RALGAPA2: variants seen among roughly 807,000 people sequenced by gnomAD.
RALGAPA2 encodes the protein Ral GTPase activating protein catalytic subunit alpha 2.
In RALGAPA2, 139 loss-of-function variants were observed where a neutral mutation model predicts 230.4. The observed-to-expected ratio is 0.60, with a 90% CI of 0.53 to 0.69. The LOEUF (loss-of-function observed/expected upper bound fraction) is 0.69. Ranked by LOEUF, RALGAPA2 falls within the 30% of genes least tolerant of loss-of-function variation. The pLI is 0.00. For missense variants in RALGAPA2, 2,163 were observed against 2,276.0 expected, an observed-to-expected ratio of 0.95 and a Z score of 1.01; for synonymous variants, 847 against 837.8, an observed-to-expected ratio of 1.01 and a Z score of -0.19.
intron 36 of RALGAPA2, among the ~76,000 whole-genome samples, chr20:20,485,810 T>C (rs1314837655): frequency 6.6e-6 from 1 of 152,226 alleles, no homozygotes; most frequent in Non-Finnish European, 1.5e-5. Context: ...TTGCTATTAC[T>C]ATCTGGAACA....
chr20:20,660,227 T>C (rs895858977), intron 3 of RALGAPA2, among the ~76,000 whole-genome samples: 3 of 149,822 alleles, frequency 2.0e-5, no homozygotes, highest in African/African-American at 7.4e-5. Context: ...GACTCTGTCT[T>C]GGAAAAAAAA....
chr20:20,646,067 C>A (rs6082081), intron 4 of RALGAPA2, among the ~76,000 whole-genome samples: 1 of 138,408 alleles, frequency 7.2e-6, no homozygotes, highest in Non-Finnish European at 1.6e-5. Flanking sequence ...TTTTTTTTTT[C>A]TTTTTGAGAT....
chr20:20,547,369 G>A (rs2063801426), intron 23 of RALGAPA2, among the ~76,000 whole-genome samples: 1 of 152,238 alleles, frequency 6.6e-6, no homozygotes, highest in African/African-American at 2.4e-5. Flanking sequence ...GAAACAGCAT[G>A]GCTCTGAGTA....
intron 31 of RALGAPA2, among the ~76,000 whole-genome samples, chr20:20,520,023 A>T (rs1407677083): frequency 2.6e-5 from 4 of 152,174 alleles, no homozygotes; most frequent in Non-Finnish European, 5.9e-5. Flanking sequence ...ACGGGATTAC[A>T]GGTGGGAGCC....
intron 37 of RALGAPA2, among the ~76,000 whole-genome samples, chr20:20,446,362 T>C (rs1490431162): frequency 2.0e-5 from 3 of 152,270 alleles, no homozygotes; most frequent in Non-Finnish European, 4.4e-5. Flanking sequence ...ATCAATCTTT[T>C]GTTTTGAAAA....
chr20:20,626,918 C>T (rs1337033828), intron 10 of RALGAPA2, among the ~76,000 whole-genome samples: 1 of 152,124 alleles, frequency 6.6e-6, no homozygotes, highest in African/African-American at 2.4e-5. Flanking sequence ...ACTAGTTGGC[C>T]TTTTGCTTTA....
chr20:20,488,653 A>G, intron 36 of RALGAPA2, among the ~76,000 whole-genome samples: 1 of 152,206 alleles, frequency 6.6e-6, no homozygotes, highest in South Asian at 2.1e-4. Flanking sequence ...CAAGCTCCCT[A>G]CATACTGACT....
rs75430499 is a variant in RALGAPA2, at chr20:20,669,414, T to C, written c.270+6822A>G. 5.4e-3 allele frequency among the ~76,000 whole-genome samples: 824 copies of C among 152,252 alleles called. 7 individuals are homozygous for C. The highest frequency in any genetic ancestry group is 0.019 in the African/African-American group (785 of 41,540). On this transcript the variant is annotated intron_variant, in intron 3 of 39. Transcript: ENST00000202677. Reference sequence around the variant, plus strand: ...CCAAGGGTTAGCAAATTCCCAAAGATAGTGGCTCAGAGCATGTTTCTGATA... The same window carrying C: ...CCAAGGGTTAGCAAATTCCCAAAGACAGTGGCTCAGAGCATGTTTCTGATA...
At position 20,458,486 on chromosome 20, in the gene RALGAPA2, T is replaced by A. The variant is rs1377737295; in HGVS notation, c.5495+14343A>T. Among the ~76,000 whole-genome samples, 959 of 136,566 alleles carry A rather than the reference T, an allele frequency of 7.0e-3. 20 individuals are homozygous for A. The highest frequency in any genetic ancestry group is 9.6e-3 in the South Asian group (43 of 4,480). 89.6% of individuals were successfully genotyped at this position (136,566 alleles called of 152,430 possible). On this transcript the variant is annotated intron_variant, in intron 37 of 39. Coordinates refer to ENST00000202677, the MANE Select transcript of RALGAPA2 (RefSeq NM_020343.4). Reference sequence around the variant, plus strand: ...TTTTATATAATATATAATATATATGTATTTTATATATATTATATATAATAT... The same window carrying A: ...TTTTATATAATATATAATATATATGAATTTTATATATATTATATATAATAT...
At chr20:20,542,150 C>T (rs1287313649) in intron 24 of RALGAPA2, among the ~76,000 whole-genome samples, 1 of 152,068 alleles carries the variant, frequency 6.6e-6, no homozygotes, top group Non-Finnish European at 1.5e-5. Flanking sequence ...GAGTGAACTC[C>T]CATTCACAAC....
intron 3 of RALGAPA2, among the ~76,000 whole-genome samples, chr20:20,664,500 T>A (rs921672595): frequency 6.6e-6 from 1 of 152,144 alleles, no homozygotes; most frequent in African/African-American, 2.4e-5. Context: ...GAATAAAGCA[T>A]TCACTAAAAC....
intron 33 of RALGAPA2, among the ~76,000 whole-genome samples, chr20:20,510,763 G>A (rs369110464): frequency 1.9e-4 from 29 of 152,170 alleles, no homozygotes; most frequent in Non-Finnish European, 5.9e-5. Flanking sequence ...TTTGGAGAAT[G>A]AGCCTTATTA....
chr20:20,459,404 C>T (rs2123263599), intron 37 of RALGAPA2, among the ~76,000 whole-genome samples: 1 of 150,178 alleles, frequency 6.7e-6, no homozygotes, highest in Non-Finnish European at 1.5e-5. Context: ...TACTGAATGG[C>T]ATGCTTAAGA....
intron 37 of RALGAPA2, among the ~76,000 whole-genome samples, chr20:20,458,442 TAC>T (rs1241129027): frequency 4.2e-4 from 55 of 129,958 alleles, no homozygotes; most frequent in African/African-American, 1.4e-3. Flanking sequence ...TTTTTTATAT[TAC>T]ATATAATACA....
chr20:20,662,700 C>A (rs1376808719), intron 3 of RALGAPA2, among the ~76,000 whole-genome samples: 1 of 152,042 alleles, frequency 6.6e-6, no homozygotes, highest in East Asian at 1.9e-4. Context: ...GTGCGAGGTA[C>A]CATGTGAGGG....
chr20:20,693,252 A>C (rs930906054), intron 1 of RALGAPA2, among the ~76,000 whole-genome samples: 1 of 152,230 alleles, frequency 6.6e-6, no homozygotes, highest in African/African-American at 2.4e-5. Context: ...ATTTTTACTT[A>C]ACATTTTTGA....
chr20:20,653,552 A>T lies in RALGAPA2; in HGVS notation c.306T>A (p.Phe102Leu). ...TACCTATACTCTGGTAATGCCATCGAAAGAAAATTCGTTCAGGTAGAAACT... is the reference window on the plus strand; with the variant it reads ...TACCTATACTCTGGTAATGCCATCGTAAGAAAATTCGTTCAGGTAGAAACT... ...ILQFLPERIF[F>L]RWHYQSIGST... Residue 102 changes from phenylalanine to leucine, a missense_variant, in exon 4 of 40, where the codon TTT becomes TTA. Phe to Leu is a conservative substitution (Grantham distance 22). Coordinates refer to ENST00000202677, the MANE Select transcript of RALGAPA2 (RefSeq NM_020343.4). The T allele has an allele frequency of 6.7e-7, 1 of 1,502,056 alleles. No individual in the cohort carries two copies. Among genetic ancestry groups the T allele is most frequent in the Non-Finnish European group, 9.0e-7 (1 of 1,105,848 alleles). 93.0% of individuals were successfully genotyped at this position (1,502,056 alleles called of 1,614,324 possible).
At chr20:20,709,008 C>T (rs2069727837) in intron 1 of RALGAPA2, among the ~76,000 whole-genome samples, 1 of 151,888 alleles carries the variant, frequency 6.6e-6, no homozygotes, top group Admixed American at 6.6e-5. Context: ...ATGGCAAAAC[C>T]CCGTCTTCTA....
intron 14 of RALGAPA2, among the ~76,000 whole-genome samples, chr20:20,607,025 T>TG (rs1278290884): frequency 1.3e-5 from 2 of 152,228 alleles, no homozygotes; most frequent in African/African-American, 4.8e-5. Flanking sequence ...CATAGCCTGG[T>TG]GTCAAAGAGA....
Sources: allele counts gnomAD v4.1 joint callset (sites outside exome capture counted in the v4.1 genomes callset), GRCh38; gene constraint gnomAD v4.1.1; transcripts MANE v1.5; gene names NCBI Gene and HGNC (gene_info 2026-07-23, HGNC 2026-07-21).